The following IQCM variants were observed in gnomAD, a reference collection of about 807,000 sequenced individuals.
The protein encoded by IQCM is IQ motif containing M.
IQCM carries 45 observed loss-of-function variants against 57.6 expected under a neutral mutation model. The ratio of observed to expected loss-of-function variants is 0.78; its 90% CI spans 0.62 to 1.00. The LOEUF (loss-of-function observed/expected upper bound fraction) is 1.00, where lower values mean the gene tolerates loss of function less well. IQCM is among the 50% of genes least tolerant of loss of function. IQCM has a pLI of 0.00. For synonymous variants in IQCM, 148 were observed against 158.9 expected (o/e 0.93, Z 0.51); for missense variants, 468 against 511.6 (o/e 0.91, Z 0.82).
chr4:149,485,683 T>G (rs1741398999), intron 12 of IQCM, among the ~76,000 whole-genome samples: 1 of 152,104 alleles, frequency 6.6e-6, no homozygotes, highest in Non-Finnish European at 1.5e-5. Context: ...AGGTCATAGA[T>G]CTCTGTTTAT....
Position 149,433,133 on chromosome 4 carries a change from A to G in IQCM, c.1390+263T>C, listed in dbSNP as rs900998104. ...GAATGTTCATAGCAGCATTACTGGT[A>G]GTAACGCAAAAGTGAAAACAACCCA... On this transcript the variant is annotated intron_variant, in intron 13 of 13. Transcript: ENST00000636793. Among the ~76,000 whole-genome samples the G allele has an allele frequency of 3.9e-5, 6 of 152,194 alleles. No homozygotes were observed. In the East Asian group the frequency reaches 1.2e-3, roughly 30 times the overall value.
At chr4:149,712,551 T>C (rs531061832) in intron 5 of IQCM, among the ~76,000 whole-genome samples, 5 of 152,312 alleles carry the variant, frequency 3.3e-5, no homozygotes, top group African/African-American at 9.6e-5. Flanking sequence ...ATAAAATATA[T>C]TTAAAATTCT....
intron 2 of IQCM, among the ~76,000 whole-genome samples, chr4:149,746,850 T>G (rs553150006): frequency 6.6e-6 from 1 of 152,296 alleles, no homozygotes. Context: ...CCTCCTGACC[T>G]TCTCTACTTC....
chr4:149,778,193 G>A (rs1381353856), intron 2 of IQCM, among the ~76,000 whole-genome samples: 3 of 152,160 alleles, frequency 2.0e-5, no homozygotes, highest in Non-Finnish European at 2.9e-5. Context: ...TGGCTAACAC[G>A]GTGAAACCCC....
intron 9 of IQCM, among the ~76,000 whole-genome samples, chr4:149,582,333 T>TTTATATATATAA (rs1752279533): frequency 3.4e-5 from 1 of 29,766 alleles, no homozygotes; most frequent in Non-Finnish European, 9.9e-5. Context: ...TATATATATA[T>TTTATATATATAA]ATATATATAT....
chr4:149,739,178 T>C (rs1156520575), intron 3 of IQCM, among the ~76,000 whole-genome samples: 4 of 152,120 alleles, frequency 2.6e-5, no homozygotes, highest in Non-Finnish European at 4.4e-5. Context: ...ATATTGATAG[T>C]ATATAGAATG....
intron 5 of IQCM, among the ~76,000 whole-genome samples, chr4:149,727,338 A>G (rs974658045): frequency 2.0e-5 from 3 of 152,200 alleles, no homozygotes; most frequent in African/African-American, 7.2e-5. Flanking sequence ...CTCAGAAAGT[A>G]GCAGTTCTCA....
At chr4:149,527,275 T>C (rs1219532411) in intron 12 of IQCM, among the ~76,000 whole-genome samples, 1 of 152,234 alleles carries the variant, frequency 6.6e-6, no homozygotes, top group African/African-American at 2.4e-5. Flanking sequence ...TTGCTTTATA[T>C]GTGACATGTA....
chr4:149,493,248 T>G (rs896942717), intron 12 of IQCM, among the ~76,000 whole-genome samples: 2 of 152,104 alleles, frequency 1.3e-5, no homozygotes, highest in African/African-American at 4.8e-5. Context: ...TTCTTTTTTT[T>G]CCCTCATTGA....
At chr4:149,473,735 A>T (rs918333443) in intron 12 of IQCM, among the ~76,000 whole-genome samples, 8 of 152,218 alleles carry the variant, frequency 5.3e-5, no homozygotes, top group Non-Finnish European at 1.2e-4. Context: ...CAAATGTCCA[A>T]CAATGATAGA....
At chr4:149,711,047 G>C (rs1350629098) in intron 5 of IQCM, 2 of 152,052 alleles carry the variant, frequency 1.3e-5, no homozygotes, top group Non-Finnish European at 2.9e-5. Flanking sequence ...GATATAACTG[G>C]CAATAGGATA....
intron 12 of IQCM, among the ~76,000 whole-genome samples, chr4:149,512,716 T>C (rs1195715186): frequency 1.3e-5 from 2 of 152,172 alleles, no homozygotes; most frequent in African/African-American, 4.8e-5. Flanking sequence ...GTAATTCCCA[T>C]TGAGGCCCTT....
chr4:149,571,569 T>C (rs997509434), intron 9 of IQCM, among the ~76,000 whole-genome samples: 7 of 152,108 alleles, frequency 4.6e-5, no homozygotes, highest in Non-Finnish European at 5.9e-5. Context: ...AGATCTATTG[T>C]ATAACATGGT....
At chr4:149,563,353 C>A (rs1207648065) in intron 10 of IQCM, among the ~76,000 whole-genome samples, 1 of 152,170 alleles carries the variant, frequency 6.6e-6, no homozygotes. Flanking sequence ...GCCTTTTGTT[C>A]AGAGTCTCCA....
intron 8 of IQCM, among the ~76,000 whole-genome samples, chr4:149,596,322 G>C (rs1753768497): frequency 6.6e-6 from 1 of 152,138 alleles, no homozygotes; most frequent in East Asian, 1.9e-4. Context: ...TTAATGCATG[G>C]CTGAGCTGAT....
At chr4:149,735,350 A>C in intron 4 of IQCM, 26 bp downstream of exon 4, 1 of 1,159,248 alleles carries the variant, frequency 8.6e-7, no homozygotes, top group African/African-American at 1.6e-5. Flanking sequence ...TTAAAATGTA[A>C]CATTAGATAA....
chr4:149,391,869 A>T (rs568222846), intron 13 of IQCM, among the ~76,000 whole-genome samples: 1 of 152,048 alleles, frequency 6.6e-6, no homozygotes, highest in South Asian at 2.1e-4. Flanking sequence ...TTGTACATTT[A>T]TTGAGGTTTA....
At chr4:149,797,267 A>G (rs921904462) in intron 2 of IQCM, among the ~76,000 whole-genome samples, 1 of 152,170 alleles carries the variant, frequency 6.6e-6, no homozygotes, top group African/African-American at 2.4e-5. Context: ...TGAAAAAGGC[A>G]TTTGGCATAA....
chr4:149,378,722 T>C (rs1014760864), intron 13 of IQCM, among the ~76,000 whole-genome samples: 6 of 152,130 alleles, frequency 3.9e-5, no homozygotes, highest in African/African-American at 1.4e-4. Flanking sequence ...GACAATGTAA[T>C]GTAAAAGAAA....
Sources: gnomAD v4.1 joint callset for allele counts (sites outside exome capture counted in the v4.1 genomes callset) on GRCh38, gnomAD v4.1.1 for gene constraint, MANE v1.5 for transcripts, NCBI Gene and HGNC (gene_info 2026-07-23, HGNC 2026-07-21) for gene names.